GLIS1: variants seen among roughly 807,000 people sequenced by gnomAD.
GLIS1 encodes zinc finger protein GLIS1.
Under a neutral mutation model 63.8 loss-of-function variants are expected in GLIS1, and 24 were observed. The ratio of observed to expected loss-of-function variants is 0.38; its 90% CI spans 0.27 to 0.53. GLIS1 has a LOEUF of 0.53. Ranked by LOEUF, GLIS1 falls within the 20% of genes least tolerant of loss-of-function variation. The pLI, the probability that GLIS1 is intolerant of heterozygous loss-of-function variation, is 0.85. For synonymous variants in GLIS1, 450 were observed against 482.5 expected, an observed-to-expected ratio of 0.93 and a Z score of 0.88; for missense variants, 1,036 against 1,074.1, an observed-to-expected ratio of 0.96 and a Z score of 0.50.
At chr1:53,675,035 C>T (rs1218911535) in intron 2 of GLIS1, among the ~76,000 whole-genome samples, 1 of 152,184 alleles carries the variant, frequency 6.6e-6, no homozygotes, top group East Asian at 1.9e-4. Flanking sequence ...GTGAATTCAG[C>T]TCTCCTCACT....
intron 4 of GLIS1, among the ~76,000 whole-genome samples, chr1:53,589,184 T>C (rs1164676178): frequency 6.6e-6 from 1 of 152,146 alleles, no homozygotes; most frequent in African/African-American, 2.4e-5. Context: ...TAGCTCACTA[T>C]AGCCTCAAAC....
intron 2 of GLIS1, among the ~76,000 whole-genome samples, chr1:53,672,904 C>G (rs576565598): frequency 1.3e-5 from 2 of 152,324 alleles, no homozygotes; most frequent in Non-Finnish European, 2.9e-5. Flanking sequence ...GTGGCCCTAC[C>G]CTACTCTCTG....
intron 4 of GLIS1, among the ~76,000 whole-genome samples, chr1:53,554,500 G>C (rs1057250374): frequency 2.6e-5 from 4 of 152,278 alleles, no homozygotes; most frequent in African/African-American, 4.8e-5. Flanking sequence ...GAAAGGAAGT[G>C]GCATGCCTGA....
intron 7 of GLIS1, 93 bp from the exon 8 acceptor site, chr1:53,514,874 A>T: frequency 7.2e-7 from 1 of 1,393,210 alleles, no homozygotes; most frequent in Non-Finnish European, 9.6e-7. Flanking sequence ...ATGATGGAGA[A>T]ATAAAGACAA....
intron 2 of GLIS1, among the ~76,000 whole-genome samples, chr1:53,604,546 A>C (rs1236312766): frequency 1.3e-5 from 2 of 152,264 alleles, no homozygotes; most frequent in Non-Finnish European, 2.9e-5. Context: ...AGCATCCAGC[A>C]GCTGGGTCCA....
At chr1:53,575,483 C>G (rs1044187098) in intron 4 of GLIS1, among the ~76,000 whole-genome samples, 3 of 152,172 alleles carry the variant, frequency 2.0e-5, no homozygotes, top group African/African-American at 4.8e-5. Flanking sequence ...TTTAGCACCT[C>G]GGTAGTTCTT....
chr1:53,696,920 CAT>C (rs1646470975), intron 2 of GLIS1, among the ~76,000 whole-genome samples: 1 of 152,242 alleles, frequency 6.6e-6, no homozygotes, highest in African/African-American at 2.4e-5. Context: ...GAGATGGCCA[CAT>C]GAGTCTGGGC....
At chr1:53,559,382 C>G (rs1047733977) in intron 4 of GLIS1, among the ~76,000 whole-genome samples, 6 of 152,176 alleles carry the variant, frequency 3.9e-5, no homozygotes, top group Admixed American at 3.9e-4. Flanking sequence ...GGGTTTTGGA[C>G]TCTGAGATGG....
intron 4 of GLIS1, among the ~76,000 whole-genome samples, chr1:53,581,445 A>G (rs1645083517): frequency 6.6e-6 from 1 of 152,156 alleles, no homozygotes; most frequent in Non-Finnish European, 1.5e-5. Context: ...TATTACTAAC[A>G]TTCATTTATC....
At chr1:53,712,765 G>C (rs998937698) in intron 2 of GLIS1, among the ~76,000 whole-genome samples, 4 of 152,176 alleles carry the variant, frequency 2.6e-5, no homozygotes, top group Non-Finnish European at 5.9e-5. Flanking sequence ...GTGAGGCTTT[G>C]TCTGGTCCTA....
chr1:53,525,869 G>A (rs3013762), intron 5 of GLIS1, among the ~76,000 whole-genome samples: 21,481 of 151,978 alleles, frequency 0.14, 3,090 homozygotes, highest in East Asian at 0.47. Flanking sequence ...CCCCCTAAGC[G>A]CTGTCCAGCC....
rs1646165217 is a variant in GLIS1 at position 53,672,687 on chromosome 1, G to T, written c.259+65119C>A. Among the ~76,000 whole-genome samples the T allele has an allele frequency of 3.3e-5, 5 of 152,196 alleles. No individual in the cohort carries two copies. In the South Asian group the frequency reaches 1.0e-3, roughly 31 times the overall value. ...AGGCCTTGCATTTGCAGGTCTCTGT[G>T]AAGTCTGCCTGCAGCCTCTGATGCT... On this transcript the variant is annotated intron_variant, in intron 2 of 10. Coordinates refer to ENST00000628545, the MANE Select transcript of GLIS1 (RefSeq NM_001367484.1).
chr1:53,556,349 A>G (rs1315624470), intron 4 of GLIS1, among the ~76,000 whole-genome samples: 1 of 102,564 alleles, frequency 9.8e-6, no homozygotes, highest in Admixed American at 1.1e-4. Flanking sequence ...GGCATACTGC[A>G]GGTGTGTGTA....
intron 4 of GLIS1, among the ~76,000 whole-genome samples, chr1:53,580,539 C>G (rs1464519068): frequency 6.6e-6 from 1 of 152,104 alleles, no homozygotes; most frequent in African/African-American, 2.4e-5. Context: ...CAGGGGTCCT[C>G]CAAGGTGAGC....
rs1223516326 is a variant in GLIS1 at position 53,524,856 on chromosome 1, G to C, written c.1514C>G (p.Ser505Cys). 6.2e-7 allele frequency: 1 copy of C among 1,613,284 alleles called. No individual in the cohort carries two copies. The highest frequency in any genetic ancestry group is 1.3e-5 in the African/African-American group (1 of 75,054). ...GGAGCTGGGGTCTGTGTAGCGCTTG[G>C]AGCAGCCAGGGATCTGACAGGCGTA... Reference protein sequence around the residue: ...KPYACQIPGCSKRYTDPSSLR... With the variant: ...KPYACQIPGCCKRYTDPSSLR... The change falls in exon 6 of 11, where the codon TCC becomes TGC. Residue 505 changes from serine (S) to cysteine (C), a missense_variant. Transcript: ENST00000628545.
intron 2 of GLIS1, among the ~76,000 whole-genome samples, chr1:53,685,658 C>T (rs1646328466): frequency 6.6e-6 from 1 of 152,222 alleles, no homozygotes; most frequent in African/African-American, 2.4e-5. Flanking sequence ...TGTCACTTCC[C>T]TCCTTGCCTG....
At chr1:53,544,970 A>C (rs1644683166) in intron 4 of GLIS1, among the ~76,000 whole-genome samples, 2 of 152,056 alleles carry the variant, frequency 1.3e-5, no homozygotes, top group South Asian at 4.2e-4. Context: ...GGCAGCCCAG[A>C]GAGGGCAAGG....
chr1:53,656,874 G>T (rs769536302), intron 2 of GLIS1, among the ~76,000 whole-genome samples: 1 of 152,210 alleles, frequency 6.6e-6, no homozygotes, highest in South Asian at 2.1e-4. Flanking sequence ...GAGGCATGCC[G>T]CCAGGCTACC....
At chr1:53,588,765 T>C (rs2100515483) in intron 4 of GLIS1, among the ~76,000 whole-genome samples, 1 of 152,318 alleles carries the variant, frequency 6.6e-6, no homozygotes, top group African/African-American at 2.4e-5. Context: ...AGGAAGAGGT[T>C]GGGCAAAAGT....
Sources: allele counts gnomAD v4.1 joint callset (sites outside exome capture counted in the v4.1 genomes callset), GRCh38; gene constraint gnomAD v4.1.1; transcripts MANE v1.5; gene names NCBI Gene and HGNC (gene_info 2026-07-23, HGNC 2026-07-21).